SPACA6: variants seen among roughly 807,000 people sequenced by gnomAD.
SPACA6 encodes the protein sperm acrosome associated 6, also known as sperm acrosome membrane-associated protein 6.
For missense variants in SPACA6, 8 were observed against 2.8 expected (o/e 2.88, Z -1.34); for synonymous variants, 6 against 1.5 (o/e 4.05, Z -2.21).
At chr19:51,683,751 A>G in the SPACA6 span, among the ~76,000 whole-genome samples, 1 of 152,178 alleles carries the variant, frequency 6.6e-6, no homozygotes, top group Non-Finnish European at 1.5e-5. Flanking sequence ...AACTCCTTTA[A>G]TCCTTATGTC....
intron 2 of SPACA6, among the ~76,000 whole-genome samples, chr19:51,700,842 A>G (rs2083463431): frequency 6.6e-6 from 1 of 152,184 alleles, no homozygotes; most frequent in African/African-American, 2.4e-5. Context: ...TGATGGAAGG[A>G]TGATTAGGAG....
At chr19:51,697,171 G>A (rs944096422) in intron 2 of SPACA6, among the ~76,000 whole-genome samples, 2 of 152,180 alleles carry the variant, frequency 1.3e-5, no homozygotes, top group Non-Finnish European at 2.9e-5. Flanking sequence ...GTAGGCCCTT[G>A]GAATGACTTT....
chr19:51,699,362 C>CT (rs1317943102), intron 2 of SPACA6, among the ~76,000 whole-genome samples: 1 of 152,192 alleles, frequency 6.6e-6, no homozygotes, highest in Non-Finnish European at 1.5e-5. Flanking sequence ...ATGGCTACAA[C>CT]TTGGTCACAT....
At chr19:51,693,950 A>C in intron 1 of SPACA6, 1 of 379,446 alleles carries the variant, frequency 2.6e-6, no homozygotes. Flanking sequence ...GAGGATGGAG[A>C]GTCAGAGAGG....
At chr19:51,708,223 A>T (rs1005153024), downstream of SPACA6, among the ~76,000 whole-genome samples, 1 of 152,180 alleles carries the variant, frequency 6.6e-6, no homozygotes, top group East Asian at 1.9e-4. Flanking sequence ...CAGGAAATTC[A>T]AGAGATTAGG....
upstream of SPACA6, chr19:51,692,517 C>T (rs1352928164): frequency 1.4e-5 from 6 of 440,468 alleles, no homozygotes; most frequent in Admixed American, 3.2e-5. The surrounding 1 kb of genome is among the most constrained non-coding windows in gnomAD (Gnocchi z 5.6). Context: ...GGATGAGAGC[C>T]TTGACTCCAG....
chr19:51,682,763 C>T, the SPACA6 span, among the ~76,000 whole-genome samples: 10 of 152,226 alleles, frequency 6.6e-5, no homozygotes, highest in East Asian at 3.9e-4. Flanking sequence ...AGAAATTATC[C>T]GGGCACAGTG....
At chr19:51,705,635 A>G (rs2083512197), downstream of SPACA6, among the ~76,000 whole-genome samples, 2 of 150,738 alleles carry the variant, frequency 1.3e-5, no homozygotes, top group South Asian at 2.1e-4. Flanking sequence ...GCAGCCCCCC[A>G]CCACCTCCTT....
chr19:51,695,673 A>G (rs556240871), intron 2 of SPACA6, among the ~76,000 whole-genome samples: 30 of 152,340 alleles, frequency 2.0e-4, no homozygotes, highest in African/African-American at 7.0e-4. Context: ...TTCTCCCCAC[A>G]TAGGCTGCCT....
chr19:51,699,393 C>G (rs1209302105), intron 2 of SPACA6, among the ~76,000 whole-genome samples: 3 of 152,162 alleles, frequency 2.0e-5, no homozygotes, highest in Non-Finnish European at 1.5e-5. Context: ...GCAAGGAAGG[C>G]TGGGAGATGA....
At chr19:51,712,610 G>T (rs1000434608), downstream of SPACA6, among the ~76,000 whole-genome samples, 1 of 152,170 alleles carries the variant, frequency 6.6e-6, no homozygotes, top group African/African-American at 2.4e-5. Context: ...GATGGAAGAG[G>T]TTGGCACTGG....
upstream of SPACA6, among the ~76,000 whole-genome samples, chr19:51,690,328 C>G (rs930457818): frequency 2.0e-4 from 30 of 152,122 alleles, no homozygotes; most frequent in Admixed American, 6.5e-5. Flanking sequence ...AGTTCAGAAC[C>G]TCAGCCCCTC....
Position 51,704,481 on chromosome 19 carries a change from G to A in SPACA6, c.941+1G>A, listed in dbSNP as rs2083498888. On this transcript the variant is annotated splice_donor_variant, in intron 8 of 8. Transcript: ENST00000637797. LOFTEE classifies it high-confidence loss of function. ...CAGCGAGTGCGACAGTGTTGGCGTG[G>A]TGAGTTCTGGGGACTCCGGAGCCCC... The A allele has an allele frequency of 1.5e-5, 6 of 400,994 alleles. No individual in the cohort carries two copies. In the South Asian group the frequency reaches 7.5e-4, roughly 50 times the overall value. The allele number at this position is 400,994 out of a possible 1,614,324, so 24.8% of individuals were successfully genotyped here. A position where few individuals can be genotyped will look rare whatever the true frequency, so the allele number is the denominator to read the frequency against.
upstream of SPACA6, chr19:51,687,318 A>C (rs2083333116): frequency 6.6e-6 from 1 of 151,970 alleles, no homozygotes; most frequent in Non-Finnish European, 1.5e-5. Flanking sequence ...CAAATCTGTA[A>C]ATATCAATAT....
At chr19:51,709,531 C>CAAAAAAAAAAAA (rs56170768), downstream of SPACA6, among the ~76,000 whole-genome samples, 2 of 54,464 alleles carry the variant, frequency 3.7e-5, no homozygotes, top group Admixed American at 2.8e-4. Flanking sequence ...AAAAAAAAGG[C>CAAAAAAAAAAAA]AAAAAAAAAA....
chr19:51,683,509 G>A, the SPACA6 span, among the ~76,000 whole-genome samples: 13 of 152,230 alleles, frequency 8.5e-5, no homozygotes, highest in African/African-American at 3.1e-4. Context: ...TGGGTAGGAA[G>A]GGAGGGGTCA....
At position 51,703,041 on chromosome 19, in the gene SPACA6, C is replaced by A; in HGVS notation, c.406C>A (p.Arg136Ser). 2 of 399,252 alleles carry A rather than the reference C, an allele frequency of 5.0e-6. No individual in the cohort carries two copies. Among genetic ancestry groups the A allele is most frequent in the Middle Eastern group, 6.3e-4 (1 of 1,590 alleles). The allele number at this position is 399,252 out of a possible 1,614,324, so 24.7% of individuals were successfully genotyped here. A position where few individuals can be genotyped will look rare whatever the true frequency, so the allele number is the denominator to read the frequency against. The change falls in exon 5 of 9, where the codon CGT (arginine) becomes AGT (serine). Residue 136 changes from arginine (R) to serine (S), a missense_variant. By Grantham distance (110) the Arg-to-Ser change is moderately radical. Coordinates refer to ENST00000637797, the MANE Select transcript of SPACA6 (RefSeq NM_001316972.2). This position sits in a 1 kb window ranked among gnomAD's most constrained non-coding sequence, Gnocchi z 4.2. ...CACAGGTCTCCAGGAGTTCGCCCGGCGTTTCCTCTGCAGCGGGTGCTACTC... is the reference window on the plus strand; with the variant it reads ...CACAGGTCTCCAGGAGTTCGCCCGGAGTTTCCTCTGCAGCGGGTGCTACTC... Reference protein sequence around the residue: ...PPCGLQEFARRFLCSGCYSRV... With the variant: ...PPCGLQEFARSFLCSGCYSRV...
At chr19:51,706,578 A>G (rs554700716), downstream of SPACA6, among the ~76,000 whole-genome samples, 1 of 152,200 alleles carries the variant, frequency 6.6e-6, no homozygotes, top group Admixed American at 6.5e-5. Context: ...ATCCCAGATC[A>G]AATGTCTCCT....
chr19:51,710,908 T>A (rs910320521), intron 2 of SPACA6, among the ~76,000 whole-genome samples: 1 of 152,102 alleles, frequency 6.6e-6, no homozygotes, highest in African/African-American at 2.4e-5. Context: ...GGTGAAACCC[T>A]GTCTCTACTA....
Sources: allele counts gnomAD v4.1 joint callset (sites outside exome capture counted in the v4.1 genomes callset), GRCh38; gene constraint gnomAD v4.1.1; non-coding constraint Gnocchi (gnomAD v3.1); transcripts MANE v1.5; gene names NCBI Gene and HGNC (gene_info 2026-07-23, HGNC 2026-07-21).